Variants in FGF12 observed in about 807,000 individuals in gnomAD.
FGF12 encodes fibroblast growth factor 12.
In FGF12, 14 loss-of-function variants were observed where a neutral mutation model predicts 23.6. The ratio of observed to expected loss-of-function variants is 0.59; its 90% CI spans 0.39 to 0.93. The LOEUF is 0.93. Ranked by LOEUF, FGF12 falls within the 40% of genes least tolerant of loss-of-function variation. The pLI is 0.00. For missense variants in FGF12, 175 were observed against 217.8 expected (o/e 0.80, Z 1.24); for synonymous variants, 62 against 77.3 (o/e 0.80, Z 1.04).
chr3:192,247,117 C>T (rs1711667897), intron 4 of FGF12, among the ~76,000 whole-genome samples: 2 of 151,088 alleles, frequency 1.3e-5, no homozygotes, highest in Admixed American at 1.3e-4. Context: ...CCTAAAGCAA[C>T]TCTCAGGAAA....
chr3:192,697,504 G>A (rs949336185), intron 2 of FGF12, among the ~76,000 whole-genome samples: 42 of 152,142 alleles, frequency 2.8e-4, no homozygotes, highest in Non-Finnish European at 4.4e-5. Flanking sequence ...TATTCAGGAG[G>A]CACTTATTAT....
chr3:192,402,087 CTT>C (rs1490762911), intron 2 of FGF12, among the ~76,000 whole-genome samples: 1 of 152,246 alleles, frequency 6.6e-6, no homozygotes, highest in Non-Finnish European at 1.5e-5. Context: ...AGTCCAGGTA[CTT>C]AATCATTCTG....
At chr3:192,620,017 C>T (rs1365898423) in intron 2 of FGF12, among the ~76,000 whole-genome samples, 1 of 152,112 alleles carries the variant, frequency 6.6e-6, no homozygotes. Flanking sequence ...CCGGGATACC[C>T]TGTGGTCATT....
chr3:192,274,951 C>T (rs890254420), intron 4 of FGF12, among the ~76,000 whole-genome samples: 1 of 151,602 alleles, frequency 6.6e-6, no homozygotes, highest in African/African-American at 2.4e-5. Flanking sequence ...CAACTGTTTT[C>T]AAAGGGAAAA....
At chr3:192,710,443 AAAC>A (rs1262483010) in intron 2 of FGF12, among the ~76,000 whole-genome samples, 5 of 152,226 alleles carry the variant, frequency 3.3e-5, no homozygotes, top group Admixed American at 1.3e-4. Flanking sequence ...AGAGAGAAGA[AAAC>A]AACAACAACA....
chr3:192,182,922 C>T (rs1043144836), intron 4 of FGF12, among the ~76,000 whole-genome samples: 10 of 152,150 alleles, frequency 6.6e-5, no homozygotes, highest in Non-Finnish European at 1.2e-4. Context: ...ATTATGCCTA[C>T]GGCCATGGGG....
intron 2 of FGF12, among the ~76,000 whole-genome samples, chr3:192,556,723 G>A (rs1344933600): frequency 6.6e-6 from 1 of 152,122 alleles, no homozygotes; most frequent in African/African-American, 2.4e-5. Flanking sequence ...TTCTTCTCAA[G>A]TGCACACAAA....
rs1713457769 is a variant in FGF12, at chr3:192,142,533, C to A, written c.*1476G>T. 1 of 152,232 alleles carries A rather than the reference C, an allele frequency of 6.6e-6. No individual in the cohort carries two copies. The highest frequency in any genetic ancestry group is 1.5e-5 in the Non-Finnish European group (1 of 67,914). The allele number at this position is 152,232 out of a possible 1,614,324, so 9.4% of individuals were successfully genotyped here. Reference sequence around the variant, plus strand: ...TAAATTTGGATGTCTCTACACCACTCCTGATTTGTAGGACTAAATAGATCT... The same window carrying A: ...TAAATTTGGATGTCTCTACACCACTACTGATTTGTAGGACTAAATAGATCT... On this transcript the variant is annotated 3_prime_UTR_variant, in exon 6 of 6. Coordinates refer to ENST00000445105, the MANE Select transcript of FGF12 (RefSeq NM_004113.6).
At chr3:192,250,131 A>T (rs914483503) in intron 4 of FGF12, among the ~76,000 whole-genome samples, 1 of 152,200 alleles carries the variant, frequency 6.6e-6, no homozygotes, top group Non-Finnish European at 1.5e-5. Context: ...TTGAGAATTC[A>T]AATAACATTT....
intron 2 of FGF12, among the ~76,000 whole-genome samples, chr3:192,681,553 G>A (rs547896374): frequency 6.6e-6 from 1 of 152,166 alleles, no homozygotes; most frequent in Non-Finnish European, 1.5e-5. Context: ...CCTCTGCCTT[G>A]CCTCTACCAA....
At chr3:192,651,453 T>C (rs1217474625) in intron 2 of FGF12, among the ~76,000 whole-genome samples, 1 of 152,166 alleles carries the variant, frequency 6.6e-6, no homozygotes, top group Non-Finnish European at 1.5e-5. Context: ...TATTTACTGG[T>C]ATATGGCAAA....
At chr3:192,239,905 T>A (rs1719511631) in intron 4 of FGF12, among the ~76,000 whole-genome samples, 1 of 152,132 alleles carries the variant, frequency 6.6e-6, no homozygotes, top group Non-Finnish European at 1.5e-5. Context: ...AAAGCCCCAG[T>A]AAATATCTGA....
rs1475522310 is a variant in FGF12, at chr3:192,536,309, C to T, written c.14-175771G>A. ...CTATCTGGCTCTTAGCAGAAAAGGACTGCTAACCTCTTATCAAGAAGCAAA... is the reference window on the plus strand; with the variant it reads ...CTATCTGGCTCTTAGCAGAAAAGGATTGCTAACCTCTTATCAAGAAGCAAA... On this transcript the variant is annotated intron_variant, in intron 2 of 5. Coordinates refer to ENST00000445105, the MANE Select transcript of FGF12 (RefSeq NM_004113.6). 5.3e-5 allele frequency among the ~76,000 whole-genome samples: 8 copies of T among 152,278 alleles called. No homozygotes were observed. In the East Asian group the frequency reaches 1.5e-3, roughly 29 times the overall value.
intron 4 of FGF12, among the ~76,000 whole-genome samples, chr3:192,182,337 T>C (rs538912232): frequency 1.3e-5 from 2 of 152,254 alleles, no homozygotes; most frequent in African/African-American, 4.8e-5. Flanking sequence ...ACTAGTTAAA[T>C]ATAGACTACA....
At chr3:192,653,025 G>C (rs1022820495) in intron 2 of FGF12, among the ~76,000 whole-genome samples, 3 of 152,202 alleles carry the variant, frequency 2.0e-5, no homozygotes, top group Non-Finnish European at 4.4e-5. Context: ...ATAAACTTCT[G>C]TTGTGACACA....
chr3:192,662,883 T>C, intron 2 of FGF12, among the ~76,000 whole-genome samples: 1 of 152,232 alleles, frequency 6.6e-6, no homozygotes, highest in East Asian at 1.9e-4. Context: ...ACTGTTTATC[T>C]CCAAAGATCG....
intron 2 of FGF12, among the ~76,000 whole-genome samples, chr3:192,677,326 C>A (rs1049471159): frequency 1.3e-5 from 2 of 152,146 alleles, no homozygotes; most frequent in African/African-American, 4.8e-5. Flanking sequence ...CCGTAGCCTT[C>A]CCCCTATTCC....
chr3:192,370,208 CAAT>C (rs901768908), intron 2 of FGF12, among the ~76,000 whole-genome samples: 4 of 152,120 alleles, frequency 2.6e-5, no homozygotes, highest in African/African-American at 9.7e-5. Flanking sequence ...TTCTTTAAGT[CAAT>C]GATGTCCAAA....
intron 2 of FGF12, among the ~76,000 whole-genome samples, chr3:192,464,502 G>A (rs1420171185): frequency 8.5e-5 from 1 of 11,716 alleles, no homozygotes; most frequent in Non-Finnish European, 1.5e-4. Flanking sequence ...ATTCCATGGT[G>A]TGTGTGTGTG....
Sources: gnomAD v4.1 joint callset for allele counts (sites outside exome capture counted in the v4.1 genomes callset) on GRCh38, gnomAD v4.1.1 for gene constraint, MANE v1.5 for transcripts, NCBI Gene and HGNC (gene_info 2026-07-23, HGNC 2026-07-21) for gene names.